The following CNTNAP5 variants were observed in gnomAD, a reference collection of about 807,000 sequenced individuals.
The protein encoded by CNTNAP5 is contactin associated protein family member 5.
In CNTNAP5, 72 loss-of-function variants were observed where a neutral mutation model predicts 150.2. That is an observed-to-expected ratio of 0.48 (90% CI 0.40 to 0.58). The LOEUF is 0.58. CNTNAP5 is among the 20% of genes least tolerant of loss of function. The pLI, the probability that CNTNAP5 is intolerant of heterozygous loss-of-function variation, is 0.00. For missense variants in CNTNAP5, 1,636 were observed against 1,626.2 expected (o/e 1.01, Z -0.10); for synonymous variants, 672 against 619.8 (o/e 1.08, Z -1.25).
chr2:124,470,442 A>T (rs1192704770), intron 6 of CNTNAP5, among the ~76,000 whole-genome samples: 1 of 152,078 alleles, frequency 6.6e-6, no homozygotes, highest in East Asian at 1.9e-4. Context: ...AATTTATTTA[A>T]GTTTCTTGTA....
intron 19 of CNTNAP5, among the ~76,000 whole-genome samples, chr2:124,835,064 G>A (rs1573649128): frequency 6.6e-6 from 1 of 151,944 alleles, no homozygotes; most frequent in East Asian, 1.9e-4. Flanking sequence ...TTAAAACAGG[G>A]ATCATAATTA....
In CNTNAP5 at chr2:124,045,947, A is replaced by G. The variant is rs546672813; in HGVS notation, c.82+20215A>G. Among the ~76,000 whole-genome samples, 3 of 152,294 alleles carry G rather than the reference A, an allele frequency of 2.0e-5. No homozygotes were observed. In the South Asian group the frequency reaches 6.2e-4, roughly 32 times the overall value. ...ATTGTGCACTCATCACTGTGTGTAT[A>G]TCTGCATATTTGCATTTTTCTTGGA... On this transcript the variant is annotated intron_variant, in intron 1 of 23. Transcript: ENST00000682447.
At chr2:124,576,953 G>T (rs1696295792) in intron 11 of CNTNAP5, among the ~76,000 whole-genome samples, 1 of 152,154 alleles carries the variant, frequency 6.6e-6, no homozygotes, top group East Asian at 1.9e-4. Flanking sequence ...AGCAAGTTCT[G>T]ATTTCTATGT....
At chr2:124,701,564 A>T (rs1679521980) in intron 13 of CNTNAP5, among the ~76,000 whole-genome samples, 1 of 152,050 alleles carries the variant, frequency 6.6e-6, no homozygotes, top group Non-Finnish European at 1.5e-5. Flanking sequence ...ACTAGGTTGT[A>T]TGGTAGTTTT....
chr2:124,431,241 G>C (rs1036569864), intron 4 of CNTNAP5, among the ~76,000 whole-genome samples: 4 of 152,114 alleles, frequency 2.6e-5, no homozygotes, highest in African/African-American at 7.2e-5. Context: ...AGACTAGCCA[G>C]ACATTGGAGG....
intron 3 of CNTNAP5, among the ~76,000 whole-genome samples, chr2:124,385,195 GA>G (rs1329273185): frequency 1.3e-5 from 2 of 152,070 alleles, no homozygotes; most frequent in Middle Eastern, 3.2e-3. Flanking sequence ...AAATCAGAAA[GA>G]AAAAAAGACA....
At chr2:124,137,577 A>C (rs1684005120) in intron 1 of CNTNAP5, among the ~76,000 whole-genome samples, 1 of 152,208 alleles carries the variant, frequency 6.6e-6, no homozygotes, top group Non-Finnish European at 1.5e-5. Context: ...TAACACACAA[A>C]AAAAATTCTA....
chr2:124,272,441 A>G (rs1687783376), intron 3 of CNTNAP5, among the ~76,000 whole-genome samples: 1 of 152,206 alleles, frequency 6.6e-6, no homozygotes, highest in South Asian at 2.1e-4. Context: ...GCTTACAGAA[A>G]GGGAATCTGA....
chr2:124,083,217 G>A (rs531761333), intron 1 of CNTNAP5, among the ~76,000 whole-genome samples: 1 of 152,270 alleles, frequency 6.6e-6, no homozygotes, highest in South Asian at 2.1e-4. Context: ...GTGTGGTGAT[G>A]CGTGCCTGTA....
chr2:124,463,849 G>C (rs746154833), intron 6 of CNTNAP5, among the ~76,000 whole-genome samples: 53 of 152,210 alleles, frequency 3.5e-4, no homozygotes, highest in Non-Finnish European at 6.5e-4. Context: ...TAGAGTTGGG[G>C]CTCTAGATTG....
chr2:124,430,719 C>T (rs759343775), intron 4 of CNTNAP5, among the ~76,000 whole-genome samples: 8 of 152,116 alleles, frequency 5.3e-5, no homozygotes, highest in Non-Finnish European at 1.0e-4. Context: ...AGTTCTGAAA[C>T]TATTAATAGA....
Position 124,025,721 on chromosome 2 carries a change from C to G in CNTNAP5, c.71C>G (p.Thr24Arg). ...LFSGLWHLGL[T>R]ATNYNCDDPL... ...TCTGGCTTGTGGCATTTAGGATTAA[C>G]AGCGACAAACTGTGAGTACGAGGAG... is the stretch of plus-strand genomic sequence containing the variant. Residue 24 changes from threonine (T) to arginine (R), a missense_variant, in exon 1 of 24, where the codon ACA becomes AGA. Transcript: ENST00000682447. The G allele has an allele frequency of 6.2e-7, 1 of 1,613,172 alleles. No individual in the cohort carries two copies. The highest frequency in any genetic ancestry group is 1.1e-5 in the South Asian group (1 of 91,054).
intron 1 of CNTNAP5, among the ~76,000 whole-genome samples, chr2:124,139,675 G>A (rs1307276711): frequency 1.3e-5 from 2 of 152,194 alleles, no homozygotes; most frequent in African/African-American, 4.8e-5. Flanking sequence ...TCTCTCATTA[G>A]TGCACACTGT....
chr2:124,737,514 T>C (rs1347261693), intron 13 of CNTNAP5, among the ~76,000 whole-genome samples: 2 of 151,894 alleles, frequency 1.3e-5, no homozygotes, highest in African/African-American at 4.8e-5. Context: ...ACAGGCTGGA[T>C]TGTGGAATAA....
At chr2:124,569,073 C>A (rs1025635070) in intron 11 of CNTNAP5, among the ~76,000 whole-genome samples, 19 of 151,782 alleles carry the variant, frequency 1.3e-4, no homozygotes, top group African/African-American at 2.7e-4. Context: ...ATATATATAT[C>A]TTTTTTCTAA....
intron 3 of CNTNAP5, among the ~76,000 whole-genome samples, chr2:124,395,589 A>T (rs1178003997): frequency 2.0e-5 from 3 of 152,150 alleles, no homozygotes; most frequent in African/African-American, 7.2e-5. Context: ...AAACATGTGG[A>T]ACTAGCAATA....
chr2:124,421,250 TA>T (rs2104781564), intron 4 of CNTNAP5, among the ~76,000 whole-genome samples: 1 of 152,344 alleles, frequency 6.6e-6, no homozygotes, highest in Admixed American at 6.5e-5. Flanking sequence ...GCCTACTTGA[TA>T]TTTCCACTTA....
intron 3 of CNTNAP5, among the ~76,000 whole-genome samples, chr2:124,361,957 C>A (rs1036777342): frequency 6.6e-6 from 1 of 152,158 alleles, no homozygotes; most frequent in East Asian, 1.9e-4. Context: ...TAGCAATCAG[C>A]GAGACTTCGT....
intron 1 of CNTNAP5, among the ~76,000 whole-genome samples, chr2:124,073,275 G>A (rs1275566070): frequency 1.3e-5 from 2 of 152,044 alleles, no homozygotes; most frequent in African/African-American, 4.8e-5. Flanking sequence ...AAACATTGGA[G>A]AAACTCCCCA....
Sources: gnomAD v4.1 joint callset for allele counts (sites outside exome capture counted in the v4.1 genomes callset) on GRCh38, gnomAD v4.1.1 for gene constraint, MANE v1.5 for transcripts, NCBI Gene and HGNC (gene_info 2026-07-23, HGNC 2026-07-21) for gene names.